The following PDE8A variants were observed in gnomAD, a reference collection of about 807,000 sequenced individuals.
The protein encoded by PDE8A is phosphodiesterase 8A.
In PDE8A, 59 loss-of-function variants were observed where a neutral mutation model predicts 105.0. That is an observed-to-expected ratio of 0.56 (90% CI 0.46 to 0.70). The LOEUF is 0.70. Ranked by LOEUF, PDE8A falls within the 30% of genes least tolerant of loss-of-function variation. The pLI is 0.00. For synonymous variants in PDE8A, 355 were observed against 371.9 expected, an observed-to-expected ratio of 0.95 and a Z score of 0.52; for missense variants, 1,014 against 1,045.9, an observed-to-expected ratio of 0.97 and a Z score of 0.42.
rs201634002 is a variant in PDE8A at position 85,019,943 on chromosome 15, G to GTTT, written c.186+37620_186+37622dup. 1.6e-3 allele frequency among the ~76,000 whole-genome samples: 101 copies of GTTT among 64,760 alleles called. 6 individuals are homozygous for GTTT. The highest frequency in any genetic ancestry group is 0.016 in the Middle Eastern group (1 of 64). The allele number at this position is 64,760 out of a possible 152,430, so 42.5% of individuals were successfully genotyped here. A position where few individuals can be genotyped will look rare whatever the true frequency, so the allele number is the denominator to read the frequency against. On this transcript the variant is annotated intron_variant, in intron 1 of 21. Coordinates refer to ENST00000394553, the MANE Select transcript of PDE8A (RefSeq NM_002605.3). Reference sequence around the variant, plus strand: ...AGAACTTTGGGGGAGTTTTTTTTTGGTTTTTTTTTTTTTTTTTTTTTTTTT... The same window carrying GTTT: ...AGAACTTTGGGGGAGTTTTTTTTTGGTTTTTTTTTTTTTTTTTTTTTTTTTTTT...
chr15:85,122,974 A>G, intron 18 of PDE8A, 87 bp from the exon 19 acceptor site: 1 of 1,366,950 alleles, frequency 7.3e-7, no homozygotes, highest in South Asian at 1.3e-5. Flanking sequence ...CAGAGGACAC[A>G]TACCTGGATA....
chr15:84,993,247 T>C (rs923452530), intron 1 of PDE8A, among the ~76,000 whole-genome samples: 5 of 150,810 alleles, frequency 3.3e-5, no homozygotes, highest in Non-Finnish European at 4.4e-5. Context: ...ATCAAGACCA[T>C]CCTGGCTAAC....
intron 1 of PDE8A, among the ~76,000 whole-genome samples, chr15:85,060,627 TAAC>T (rs2081128918): frequency 6.6e-6 from 1 of 152,184 alleles, no homozygotes; most frequent in Admixed American, 6.5e-5. Context: ...TCCCTGCAGA[TAAC>T]AAGGGACAAC....
At chr15:85,015,606 A>C (rs1374740151) in intron 1 of PDE8A, among the ~76,000 whole-genome samples, 1 of 152,180 alleles carries the variant, frequency 6.6e-6, no homozygotes, top group African/African-American at 2.4e-5. Context: ...CTGCCTTGCC[A>C]TAGAATATTT....
At chr15:85,040,327 G>T (rs1351194715) in intron 1 of PDE8A, among the ~76,000 whole-genome samples, 1 of 148,656 alleles carries the variant, frequency 6.7e-6, no homozygotes, top group Non-Finnish European at 1.5e-5. Flanking sequence ...CAAAGTGCTG[G>T]GATTACGGCG....
At chr15:85,056,682 A>G (rs1187410841) in intron 1 of PDE8A, among the ~76,000 whole-genome samples, 6 of 152,088 alleles carry the variant, frequency 3.9e-5, no homozygotes, top group African/African-American at 1.4e-4. Context: ...GGTATTCTCT[A>G]TGCTGTTTAT....
intron 18 of PDE8A, among the ~76,000 whole-genome samples, chr15:85,122,338 A>G (rs527272589): frequency 6.6e-6 from 1 of 152,330 alleles, no homozygotes; most frequent in African/African-American, 2.4e-5. Flanking sequence ...AGAAAGAAAA[A>G]ACATTGTGTC....
chr15:85,012,735 T>G (rs998690119), intron 1 of PDE8A, among the ~76,000 whole-genome samples: 2 of 152,090 alleles, frequency 1.3e-5, no homozygotes, highest in Admixed American at 6.6e-5. Context: ...AAATAATGGT[T>G]TTAACATACA....
In PDE8A at chr15:85,121,031, G is replaced by A; in HGVS notation, c.1952+17G>A. On this transcript the variant is annotated intron_variant, in intron 18 of 21. Transcript: ENST00000394553. ...CATGGAGAGGTAAGAACAATGATTG[G>A]GAAGTGTGTTGATCCCTCTCTTTCT... is the stretch of plus-strand genomic sequence containing the variant. 4 of 1,489,500 alleles carry A rather than the reference G, an allele frequency of 2.7e-6. No individual in the cohort carries two copies. The highest frequency in any genetic ancestry group is 3.7e-6 in the Non-Finnish European group (4 of 1,074,592). The allele number at this position is 1,489,500 out of a possible 1,614,324, so 92.3% of individuals were successfully genotyped here.
intron 1 of PDE8A, among the ~76,000 whole-genome samples, chr15:85,043,283 C>T (rs2080838152): frequency 6.6e-6 from 1 of 152,144 alleles, no homozygotes; most frequent in Admixed American, 6.5e-5. Context: ...GAGTTCTCAA[C>T]CTTTGGCTCC....
At chr15:85,025,422 A>C (rs1178376166) in intron 1 of PDE8A, among the ~76,000 whole-genome samples, 1 of 130,002 alleles carries the variant, frequency 7.7e-6, no homozygotes, top group Non-Finnish European at 1.6e-5. Context: ...TGTTTTTTCC[A>C]GGGGGGTGGG....
intron 6 of PDE8A, among the ~76,000 whole-genome samples, chr15:85,088,213 C>T (rs573790866): frequency 5.5e-4 from 84 of 152,248 alleles, no homozygotes; most frequent in African/African-American, 1.5e-3. Context: ...TTAGTAGAGA[C>T]GGGGTTTCAC....
intron 4 of PDE8A, among the ~76,000 whole-genome samples, chr15:85,076,343 A>G (rs1422866361): frequency 6.6e-6 from 1 of 152,026 alleles, no homozygotes. Context: ...ATATGTTTTT[A>G]TACATAGAAG....
At chr15:85,095,350 T>TA (rs1218337569) in intron 8 of PDE8A, among the ~76,000 whole-genome samples, 2 of 151,902 alleles carry the variant, frequency 1.3e-5, no homozygotes, top group East Asian at 1.9e-4. Context: ...TATATATATA[T>TA]TTTTTTTCCT....
intron 11 of PDE8A, among the ~76,000 whole-genome samples, chr15:85,102,443 G>C (rs1383975620): frequency 6.6e-6 from 1 of 152,160 alleles, no homozygotes; most frequent in Non-Finnish European, 1.5e-5. Flanking sequence ...AGGAGTCAGA[G>C]TAGAAAGCAG....
At position 85,120,830 on chromosome 15, in the gene PDE8A, C is replaced by T. The variant is rs2082169297; in HGVS notation, c.1768C>T (p.Leu590Phe). 1 of 1,613,560 alleles carries T rather than the reference C, an allele frequency of 6.2e-7. No individual in the cohort carries two copies. The highest frequency in any genetic ancestry group is 1.1e-5 in the South Asian group (1 of 91,062). ...TLDPIDEVAA[L>F]IAATIHDVDH... ...AGATCCAATTGATGAGGTCGCTGCA[C>T]TCATCGCAGCCACCATTCATGATGT... Residue 590 changes from leucine to phenylalanine, a missense_variant, in exon 18 of 22, where the codon CTC becomes TTC. By Grantham distance (22) the Leu-to-Phe change is conservative. Transcript: ENST00000394553.
Position 85,113,265 on chromosome 15 carries a change from C to T in PDE8A, c.1115-112C>T, listed in dbSNP as rs1023686989. On this transcript the variant is annotated intron_variant, in intron 12 of 21. Coordinates refer to ENST00000394553, the MANE Select transcript of PDE8A (RefSeq NM_002605.3). ...TAGGATGGGAAGGAAGCTCAGCAAACTCAGTTCTATCCTGCCCCTTCATCA... is the reference window on the plus strand; with the variant it reads ...TAGGATGGGAAGGAAGCTCAGCAAATTCAGTTCTATCCTGCCCCTTCATCA... 4 of 877,310 alleles carry T rather than the reference C, an allele frequency of 4.6e-6. No individual in the cohort carries two copies. The African/African-American group carries it at 4.9e-5, about 11-fold the overall frequency. 54.3% of individuals were successfully genotyped at this position (877,310 alleles called of 1,614,324 possible).
At chr15:84,993,394 A>G (rs962230635) in intron 1 of PDE8A, among the ~76,000 whole-genome samples, 9 of 147,572 alleles carry the variant, frequency 6.1e-5, no homozygotes, top group Non-Finnish European at 8.9e-5. Context: ...AGTGAGCCGA[A>G]ATCGCGCCAC....
intron 3 of PDE8A, among the ~76,000 whole-genome samples, chr15:85,073,118 A>C (rs369394602): frequency 1.3e-5 from 2 of 152,076 alleles, no homozygotes; most frequent in African/African-American, 4.8e-5. Context: ...TGTCTCAAAA[A>C]AAAAGTGGGG....
Sources: gnomAD v4.1 joint callset for allele counts (sites outside exome capture counted in the v4.1 genomes callset) on GRCh38, gnomAD v4.1.1 for gene constraint, MANE v1.5 for transcripts, NCBI Gene and HGNC (gene_info 2026-07-23, HGNC 2026-07-21) for gene names.